The following DLL1 variants were observed in gnomAD, a reference collection of about 807,000 sequenced individuals.
DLL1 encodes delta-like protein 1.
DLL1 carries 9 observed loss-of-function variants against 75.1 expected under a neutral mutation model. That is an observed-to-expected ratio of 0.12 (90% CI 0.07 to 0.21). DLL1 has a LOEUF of 0.21. Ranked by LOEUF, DLL1 falls within the 10% of genes least tolerant of loss-of-function variation. DLL1 has a pLI of 1.00. For synonymous variants in DLL1, 477 were observed against 418.3 expected (o/e 1.14, Z -1.71); for missense variants, 837 against 1,007.6 (o/e 0.83, Z 2.29).
At chr6:170,286,398 C>A in intron 4 of DLL1, 100 bp from the exon 5 acceptor site, 1 of 1,422,382 alleles carries the variant, frequency 7.0e-7, no homozygotes, top group South Asian at 1.1e-5. Context: ...CTTCAGTCAG[C>A]AAATCCCAGC....
intron 5 of DLL1, 45 bp from the exon 6 acceptor site, chr6:170,285,744 G>A: frequency 6.2e-7 from 1 of 1,613,214 alleles, no homozygotes; most frequent in Non-Finnish European, 8.5e-7. Flanking sequence ...ACTGTTGCTG[G>A]CTTTGCAGTG....
chr6:170,289,802 T>A lies in DLL1; in HGVS notation c.61A>T (p.Ser21Cys). 2 of 1,556,396 alleles carry A rather than the reference T, an allele frequency of 1.3e-6. No individual in the cohort carries two copies. Among genetic ancestry groups the A allele is most frequent in the South Asian group, 2.4e-5 (2 of 84,680 alleles). The stretch of plus-strand genomic sequence containing the variant: ...AGCTTCAGTTCGAACACCCCAGAGC[T>A]CCAGACCTGCACGGGGGAGGGCGGG... ...VLSALLCQVW[S>C]SGVFELKLQE... The change falls in exon 2 of 11, where the codon AGC becomes TGC. Residue 21 changes from serine to cysteine, a missense_variant. Physicochemically the swap from Ser to Cys is moderately radical, Grantham distance 112 (BLOSUM62 -1). Around this residue, in one of 2 missense-constraint regions of DLL1, gnomAD observed 304 missense variants for 461.9 expected, o/e 0.66. Coordinates refer to ENST00000366756, the MANE Select transcript of DLL1 (RefSeq NM_005618.4).
intron 2 of DLL1, 119 bp downstream of exon 2, chr6:170,289,393 A>G: frequency 1.4e-6 from 2 of 1,430,878 alleles, no homozygotes; most frequent in Non-Finnish European, 1.9e-6. Flanking sequence ...CGCAGCGCCC[A>G]CCTGCGCCTC....
At chr6:170,289,862 G>C in intron 1 of DLL1, 54 bp from the exon 2 acceptor site, 2 of 1,526,730 alleles carry the variant, frequency 1.3e-6, no homozygotes, top group Non-Finnish European at 1.8e-6. Context: ...GAGCTAGGGG[G>C]CGTGAGGCCT....
intron 4 of DLL1, among the ~76,000 whole-genome samples, chr6:170,287,402 G>A (rs1783726868): frequency 1.3e-5 from 2 of 152,190 alleles, no homozygotes; most frequent in Admixed American, 6.5e-5. Context: ...CAGCTGTAGA[G>A]AAATCCGGTA....
intron 2 of DLL1, chr6:170,289,304 C>A (rs1440609065): frequency 7.3e-6 from 6 of 822,828 alleles, no homozygotes; most frequent in Non-Finnish European, 9.6e-6. Context: ...CAGCGCGGTC[C>A]CCTCCTGCAG....
intron 8 of DLL1, 115 bp downstream of exon 8, chr6:170,284,804 G>T: frequency 2.8e-6 from 3 of 1,088,544 alleles, no homozygotes; most frequent in Non-Finnish European, 4.2e-6. Flanking sequence ...ATTCCTGGCG[G>T]TCTGGATAAA....
At chr6:170,288,934 C>G in intron 2 of DLL1, 145 bp from the exon 3 acceptor site, 1 of 853,420 alleles carries the variant, frequency 1.2e-6, no homozygotes, top group South Asian at 1.4e-5. Flanking sequence ...AGGGTCTCCA[C>G]GCACCTCCTG....
intron 10 of DLL1, 21 bp downstream of exon 10, chr6:170,282,967 G>A (rs1562493904): frequency 1.9e-6 from 3 of 1,614,170 alleles, no homozygotes; most frequent in Non-Finnish European, 2.5e-6. Context: ...GGAGGAGGGA[G>A]CGGCTGCTGC....
intron 6 of DLL1, 39 bp from the exon 7 acceptor site, chr6:170,285,462 G>A (rs1783677577): frequency 6.2e-7 from 1 of 1,614,192 alleles, no homozygotes; most frequent in African/African-American, 1.3e-5. Flanking sequence ...GAGATAGGAA[G>A]CTCGACATCA....
At position 170,283,350 on chromosome 6, in the gene DLL1, G is replaced by A. The variant is rs758149257; in HGVS notation, c.1929C>T (p.Leu643=). The change falls in exon 9 of 11, where the codon CTC becomes CTT. Residue 643 remains leucine (L), a synonymous_variant. Transcript: ENST00000366756. ...TGTCGTCACCCTTGAGGTCCTGCACGAGGTTATAGTCCACCGCTGGGTAGC... is the reference window on the plus strand; with the variant it reads ...TGTCGTCACCCTTGAGGTCCTGCACAAGGTTATAGTCCACCGCTGGGTAGC... The part of the protein sequence containing the change: ...KARYPAVDYN[L]VQDLKGDDTA... 3.3e-5 allele frequency: 53 copies of A among 1,612,590 alleles called. 1 individual carries two copies. The highest frequency in any genetic ancestry group is 1.8e-4 in the East Asian group (8 of 44,874).
chr6:170,286,243 T>C lies in DLL1; in HGVS notation c.726A>G (p.Glu242=), dbSNP rs377613757. 2.5e-6 allele frequency: 4 copies of C among 1,614,100 alleles called. No individual in the cohort carries two copies. The highest frequency in any genetic ancestry group is 3.4e-6 in the Non-Finnish European group (4 of 1,180,044). The change falls in exon 5 of 11, where the codon GAA becomes GAG. Residue 242 remains glutamate, a synonymous_variant. Transcript: ENST00000366756. ...ACCACCTTGTGCAGACTTACTTGCA[T>C]TCCCCTGGTTTGTCACAAAATCCAT... ...EQHGFCDKPG[E]CKCRVGWQGR...
chr6:170,282,948 C>T lies in DLL1; in HGVS notation c.2166+40G>A, dbSNP rs1783592926. 6 of 1,614,242 alleles carry T rather than the reference C, an allele frequency of 3.7e-6. No individual in the cohort carries two copies. The East Asian group carries it at 1.3e-4, about 36-fold the overall frequency. On this transcript the variant is annotated intron_variant, in intron 10 of 10. Transcript: ENST00000366756. Reference sequence around the variant, plus strand: ...TCCCGTGCTCCAGCTTCAGGTGCTCCCATGCCGAGGAGGAGGGAGCGGCTG... The same window carrying T: ...TCCCGTGCTCCAGCTTCAGGTGCTCTCATGCCGAGGAGGAGGGAGCGGCTG...
chr6:170,282,668 GA>G lies in DLL1; in HGVS notation c.*205del. The G allele has an allele frequency of 1.4e-6, 1 of 726,018 alleles. No individual in the cohort carries two copies. 45.0% of individuals were successfully genotyped at this position (726,018 alleles called of 1,614,324 possible). A position where few individuals can be genotyped will look rare whatever the true frequency, so the allele number is the denominator to read the frequency against. On this transcript the variant is annotated 3_prime_UTR_variant, in exon 11 of 11. Coordinates refer to ENST00000366756, the MANE Select transcript of DLL1 (RefSeq NM_005618.4). ...TCCATAGTGCAACGGCGACGTCACG[GA>G]AGGCAGTGCCGCAGGCGGCCGGGCC...
At position 170,289,605 on chromosome 6, in the gene DLL1, C is replaced by T; in HGVS notation, c.258G>A (p.Val86=). ...GCAGACTGAAGGAGTCGACGCCCAG[C>T]ACGGGGGTGACGGCGCTGCCGTAGG... ...PCTYGSAVTP[V]LGVDSFSLPD... The change falls in exon 2 of 11, where the codon GTG becomes GTA. Residue 86 remains valine, a synonymous_variant. Coordinates refer to ENST00000366756, the MANE Select transcript of DLL1 (RefSeq NM_005618.4). The T allele has an allele frequency of 6.5e-7, 1 of 1,536,352 alleles. No individual in the cohort carries two copies. Among genetic ancestry groups the T allele is most frequent in the Non-Finnish European group, 8.7e-7 (1 of 1,146,446 alleles).
rs1222942956 is a variant in DLL1, at chr6:170,285,272, C to T, written c.1014G>A (p.Lys338=). 2 of 1,614,214 alleles carry T rather than the reference C, an allele frequency of 1.2e-6. No homozygotes were observed. The highest frequency in any genetic ancestry group is 2.2e-5 in the East Asian group (1 of 44,874). ...GACTCACCGTGCAGCTCCCTCCGTT[C>T]TTACAAGGGCTGGGGTCACACTCGT... ...GIDECDPSPC[K]NGGSCTDLEN... The change falls in exon 7 of 11, where the codon AAG becomes AAA. Residue 338 remains lysine, a synonymous_variant. Coordinates refer to ENST00000366756, the MANE Select transcript of DLL1 (RefSeq NM_005618.4).
rs529663080 is a variant in DLL1 at position 170,284,103 on chromosome 6, ATCTG to A, written c.1250-78_1250-75del. The A allele has an allele frequency of 5.5e-4, 844 of 1,521,706 alleles. 5 individuals are homozygous for A. The African/African-American group carries it at 0.01, about 18-fold the overall frequency. 94.3% of individuals were successfully genotyped at this position (1,521,706 alleles called of 1,614,324 possible). On this transcript the variant is annotated intron_variant, in intron 8 of 10. Transcript: ENST00000366756. ...ACCAAAAAGTCACTCTGAAGCATCT[ATCTG>A]TCTGACACTGTAGAAACCAGACAAA... is the stretch of plus-strand genomic sequence containing the variant.
At chr6:170,288,191 T>C in intron 4 of DLL1, 48 bp downstream of exon 4, 1 of 1,613,188 alleles carries the variant, frequency 6.2e-7, no homozygotes, top group Non-Finnish European at 8.5e-7. Context: ...CTGCGCGCGG[T>C]CCGTGTTCGT....
In DLL1 at chr6:170,289,493, G is replaced by T. The variant is rs1194673457; in HGVS notation, c.351+19C>A. The T allele has an allele frequency of 6.5e-7, 1 of 1,528,644 alleles. No individual in the cohort carries two copies. Among genetic ancestry groups the T allele is most frequent in the Admixed American group, 2.0e-5 (1 of 50,636 alleles). 94.7% of individuals were successfully genotyped at this position (1,528,644 alleles called of 1,614,324 possible). A position where few individuals can be genotyped will look rare whatever the true frequency, so the allele number is the denominator to read the frequency against. On this transcript the variant is annotated intron_variant, in intron 2 of 10. Transcript: ENST00000366756. Reference sequence around the variant, plus strand: ...CCCAGCTTCAGGGCCGGCCCGGCGCGCGCAGGTGCGGCACTCACCGGCCAG... The same window carrying T: ...CCCAGCTTCAGGGCCGGCCCGGCGCTCGCAGGTGCGGCACTCACCGGCCAG...
Sources: gnomAD v4.1 joint callset for allele counts (sites outside exome capture counted in the v4.1 genomes callset) on GRCh38, gnomAD v4.1.1 for gene constraint, gnomAD v4.1.1 regional missense constraint, MANE v1.5 for transcripts, NCBI Gene and HGNC (gene_info 2026-07-23, HGNC 2026-07-21) for gene names.